HPSE2: variants seen among roughly 807,000 people sequenced by gnomAD.
HPSE2 encodes inactive heparanase-2.
In HPSE2, 38 loss-of-function variants were observed where a neutral mutation model predicts 60.5. The ratio of observed to expected loss-of-function variants is 0.63; its 90% CI spans 0.48 to 0.82. The LOEUF (loss-of-function observed/expected upper bound fraction) is 0.82. Ranked by LOEUF, HPSE2 falls within the 40% of genes least tolerant of loss-of-function variation. The probability of loss-of-function intolerance (pLI) is 0.00; values close to 1 mark genes in which losing one functional copy is unlikely to be tolerated. For synonymous variants in HPSE2, 295 were observed against 293.2 expected (o/e 1.01, Z -0.06); for missense variants, 713 against 740.4 (o/e 0.96, Z 0.43).
chr10:98,710,392 G>A (rs913504462), intron 5 of HPSE2, among the ~76,000 whole-genome samples: 13 of 151,964 alleles, frequency 8.6e-5, no homozygotes, highest in Non-Finnish European at 1.9e-4. Context: ...TATGTTTGTC[G>A]ACTTTAATGG....
intron 8 of HPSE2, among the ~76,000 whole-genome samples, chr10:98,619,773 T>G (rs1946021910): frequency 6.6e-6 from 1 of 152,220 alleles, no homozygotes; most frequent in Non-Finnish European, 1.5e-5. Flanking sequence ...CTACTATGCT[T>G]CACTCAAATG....
chr10:99,025,980 T>C (rs1336190528), intron 3 of HPSE2, among the ~76,000 whole-genome samples: 1 of 151,292 alleles, frequency 6.6e-6, no homozygotes, highest in Admixed American at 6.6e-5. Context: ...GGATACAAAA[T>C]AATAAAAAGC....
At chr10:98,873,628 G>A (rs527845770) in intron 3 of HPSE2, among the ~76,000 whole-genome samples, 13 of 152,154 alleles carry the variant, frequency 8.5e-5, no homozygotes, top group African/African-American at 3.1e-4. Context: ...ATGGGCATTT[G>A]GGTTGGTTCC....
chr10:99,249,997 G>T, the HPSE2 span, among the ~76,000 whole-genome samples: 1 of 151,988 alleles, frequency 6.6e-6, no homozygotes, highest in African/African-American at 2.4e-5. Context: ...ACAAAAATTA[G>T]CCAGGCATGG....
chr10:99,246,469 G>A, the HPSE2 span, among the ~76,000 whole-genome samples: 1 of 152,302 alleles, frequency 6.6e-6, no homozygotes, highest in South Asian at 2.1e-4. Flanking sequence ...ATTTGTGGCC[G>A]TGCGTGATGG....
At chr10:99,207,123 T>A (rs1402834842) in intron 2 of HPSE2, among the ~76,000 whole-genome samples, 4 of 152,078 alleles carry the variant, frequency 2.6e-5, no homozygotes, top group African/African-American at 9.7e-5. Flanking sequence ...CTGTTAAAAA[T>A]CAAAGATTGA....
Position 98,547,416 on chromosome 10 carries a change from C to A in HPSE2, c.1321-57220G>T, listed in dbSNP as rs372369363. Among the ~76,000 whole-genome samples the A allele has an allele frequency of 4.4e-3, 670 of 150,884 alleles. 5 individuals carry two copies. The highest frequency in any genetic ancestry group is 7.4e-3 in the Non-Finnish European group (499 of 67,800). ...ACTTGGAACCAACCCAAATGTCCAA[C>A]AATGATAGATTGGACTAAGAAAATG... On this transcript the variant is annotated intron_variant, in intron 9 of 11. Transcript: ENST00000370552.
At chr10:98,879,852 CGT>C (rs3043546) in intron 3 of HPSE2, among the ~76,000 whole-genome samples, 5,584 of 145,690 alleles carry the variant, frequency 0.038, 120 homozygotes, top group Middle Eastern at 0.086. Context: ...TGTGCATGTG[CGT>C]GTGTGTGTGT....
At chr10:98,659,517 A>C (rs2134082252) in intron 6 of HPSE2, among the ~76,000 whole-genome samples, 1 of 152,342 alleles carries the variant, frequency 6.6e-6, no homozygotes, top group Middle Eastern at 3.4e-3. Flanking sequence ...TTTTTATGGC[A>C]GAATAACATT....
intron 3 of HPSE2, among the ~76,000 whole-genome samples, chr10:98,816,084 C>T (rs965281584): frequency 2.0e-5 from 3 of 149,990 alleles, no homozygotes; most frequent in African/African-American, 2.5e-5. Flanking sequence ...TGCTAAATGA[C>T]GAGTTAATGG....
Position 98,701,076 on chromosome 10 carries a change from G to A in HPSE2, c.957-7129C>T, listed in dbSNP as rs1948394034. 3.1e-5 allele frequency among the ~76,000 whole-genome samples: 2 copies of A among 65,212 alleles called. 1 individual carries two copies. The highest frequency in any genetic ancestry group is 8.4e-5 in the Non-Finnish European group (2 of 23,754). The allele number at this position is 65,212 out of a possible 152,430, so 42.8% of individuals were successfully genotyped here. A position where few individuals can be genotyped will look rare whatever the true frequency, so the allele number is the denominator to read the frequency against. The stretch of plus-strand genomic sequence containing the variant: ...ACTAGTTCAACCATTGTGGAAGTCA[G>A]TGTGGCGATTCCTCAGGGATCTAGA... On this transcript the variant is annotated intron_variant, in intron 5 of 11. Coordinates refer to ENST00000370552, the MANE Select transcript of HPSE2 (RefSeq NM_021828.5).
At chr10:98,628,103 T>A (rs1946265352) in intron 7 of HPSE2, among the ~76,000 whole-genome samples, 1 of 152,204 alleles carries the variant, frequency 6.6e-6, no homozygotes, top group African/African-American at 2.4e-5. Context: ...AAATTATTAA[T>A]GTTAAAGGTT....
intron 6 of HPSE2, among the ~76,000 whole-genome samples, chr10:98,665,524 A>G (rs969345764): frequency 2.0e-5 from 3 of 152,194 alleles, no homozygotes; most frequent in Admixed American, 2.0e-4. Flanking sequence ...AAAATCTTAA[A>G]TGCAGCTAGA....
At chr10:99,283,800 C>T in the HPSE2 span, among the ~76,000 whole-genome samples, 1 of 152,030 alleles carries the variant, frequency 6.6e-6, no homozygotes, top group Non-Finnish European at 1.5e-5. Context: ...TAAACTAACT[C>T]AAGAAGAAAC....
intron 3 of HPSE2, among the ~76,000 whole-genome samples, chr10:99,033,777 C>T (rs770490239): frequency 1.5e-4 from 23 of 150,816 alleles, no homozygotes; most frequent in Non-Finnish European, 2.9e-4. Context: ...ACAGAGACTC[C>T]GTCTCAAAAA....
intron 10 of HPSE2, among the ~76,000 whole-genome samples, chr10:98,487,114 C>G (rs1307426743): frequency 1.3e-5 from 2 of 152,166 alleles, no homozygotes; most frequent in Non-Finnish European, 2.9e-5. Flanking sequence ...CATCTCCACC[C>G]CAGAAACATA....
chr10:98,920,309 T>C (rs1387520971), intron 3 of HPSE2, among the ~76,000 whole-genome samples: 1 of 152,130 alleles, frequency 6.6e-6, no homozygotes, highest in African/African-American at 2.4e-5. Context: ...TCTGCTCCTT[T>C]CATAGATATC....
chr10:98,832,773 T>C (rs1264897655), intron 3 of HPSE2, among the ~76,000 whole-genome samples: 1 of 152,158 alleles, frequency 6.6e-6, no homozygotes, highest in Non-Finnish European at 1.5e-5. Flanking sequence ...GAAATGTGTA[T>C]ATTAGGTGGT....
At chr10:98,566,072 C>A (rs1185354887) in intron 9 of HPSE2, among the ~76,000 whole-genome samples, 1 of 152,136 alleles carries the variant, frequency 6.6e-6, no homozygotes, top group Non-Finnish European at 1.5e-5. Flanking sequence ...ACTGGCTATC[C>A]CTACAATACT....
Sources: allele counts gnomAD v4.1 joint callset (sites outside exome capture counted in the v4.1 genomes callset), GRCh38; gene constraint gnomAD v4.1.1; transcripts MANE v1.5; gene names NCBI Gene and HGNC (gene_info 2026-07-23, HGNC 2026-07-21).